MGAT5: variants seen among roughly 807,000 people sequenced by gnomAD.
The protein encoded by MGAT5 is alpha-1,6-mannosylglycoprotein 6-beta-N-acetylglucosaminyltransferase A.
In MGAT5, 30 loss-of-function variants were observed where a neutral mutation model predicts 94.3. That is an observed-to-expected ratio of 0.32 (90% confidence interval 0.24 to 0.43). MGAT5 has a LOEUF of 0.43. Among genes scored for constraint, MGAT5 ranks in the 20% least tolerant of loss-of-function variants. The pLI is 1.00. For missense variants in MGAT5, 691 were observed against 905.5 expected (o/e 0.76, Z 3.04); for synonymous variants, 310 against 322.9 (o/e 0.96, Z 0.43).
At chr2:134,435,437 G>A (rs1685118006) in intron 14 of MGAT5, among the ~76,000 whole-genome samples, 3 of 152,124 alleles carry the variant, frequency 2.0e-5, no homozygotes, top group Admixed American at 2.0e-4. Context: ...GCCTTATCAG[G>A]ACATCATCTC....
intron 14 of MGAT5, among the ~76,000 whole-genome samples, chr2:134,440,388 C>G (rs1685417395): frequency 6.6e-6 from 1 of 152,208 alleles, no homozygotes; most frequent in Non-Finnish European, 1.5e-5. Flanking sequence ...CTCCCTGTGT[C>G]TTCATGGGTT....
intron 10 of MGAT5, among the ~76,000 whole-genome samples, chr2:134,367,311 A>G (rs1165974635): frequency 1.3e-5 from 2 of 152,236 alleles, no homozygotes; most frequent in Admixed American, 6.5e-5. Flanking sequence ...GTTCTATCCT[A>G]TGAGGAAATG....
chr2:134,353,335 A>G (rs1434287915), intron 9 of MGAT5, among the ~76,000 whole-genome samples: 2 of 152,206 alleles, frequency 1.3e-5, no homozygotes, highest in South Asian at 2.1e-4. Flanking sequence ...TTAAAAGACA[A>G]TCTTTTGACT....
intron 1 of MGAT5, among the ~76,000 whole-genome samples, chr2:134,264,641 C>T (rs1163403836): frequency 3.5e-5 from 4 of 113,392 alleles, no homozygotes; most frequent in Non-Finnish European, 6.5e-5. Flanking sequence ...TACTGTAACT[C>T]TATTATCTTT....
At chr2:134,381,422 A>G (rs1467079744) in intron 10 of MGAT5, among the ~76,000 whole-genome samples, 3 of 148,844 alleles carry the variant, frequency 2.0e-5, no homozygotes, top group Non-Finnish European at 3.0e-5. Context: ...AGATAGATAG[A>G]TAGATAGATA....
chr2:134,130,013 C>T (rs190133312), intron 1 of MGAT5, among the ~76,000 whole-genome samples: 1,983 of 152,248 alleles, frequency 0.013, 50 homozygotes, highest in African/African-American at 0.043. Flanking sequence ...GCGTGGGCTC[C>T]GCGGGCCCCG....
chr2:134,242,124 G>A (rs1682006335), intron 1 of MGAT5, among the ~76,000 whole-genome samples: 1 of 152,138 alleles, frequency 6.6e-6, no homozygotes, highest in Admixed American at 6.5e-5. Flanking sequence ...AGAGCACTTT[G>A]GATTATAAAA....
At chr2:134,350,992 C>T (rs1679347757) in intron 9 of MGAT5, among the ~76,000 whole-genome samples, 2 of 152,128 alleles carry the variant, frequency 1.3e-5, no homozygotes, top group East Asian at 3.9e-4. Context: ...AAGGTGACCC[C>T]TGTCTCACAC....
chr2:134,434,077 A>G (rs887663053), intron 14 of MGAT5, among the ~76,000 whole-genome samples: 1 of 150,368 alleles, frequency 6.7e-6, no homozygotes, highest in Non-Finnish European at 1.5e-5. Context: ...TTCTGTTACC[A>G]CTCCTCCGCT....
chr2:134,387,353 T>TTTTTTTA lies in MGAT5; in HGVS notation c.1381-15635_1381-15634insTTTTTTA, dbSNP rs397985933. On this transcript the variant is annotated intron_variant, in intron 10 of 15. Coordinates refer to ENST00000281923, the MANE Select transcript of MGAT5 (RefSeq NM_002410.5). Reference sequence around the variant, plus strand: ...ATATATTTTTTTTTTTTTTTTTTTTTACCAAACCAGCACAGAAACTAGATT... The same window carrying TTTTTTTA: ...ATATATTTTTTTTTTTTTTTTTTTTTTTTTTTAACCAAACCAGCACAGAAACTAGATT... Among the ~76,000 whole-genome samples the TTTTTTTA allele has an allele frequency of 2.2e-5, 3 of 133,584 alleles. 1 individual carries two copies. Among genetic ancestry groups the TTTTTTTA allele is most frequent in the African/African-American group, 5.7e-5 (2 of 34,990 alleles). The allele number at this position is 133,584 out of a possible 152,430, so 87.6% of individuals were successfully genotyped here.
chr2:134,232,986 TAAGTTAAA>T (rs1681448182), intron 1 of MGAT5, among the ~76,000 whole-genome samples: 2 of 152,192 alleles, frequency 1.3e-5, no homozygotes, highest in African/African-American at 2.4e-5. Context: ...ATAACTTTCT[TAAGTTAAA>T]AAGTTAAAAC....
At chr2:134,187,401 G>T (rs1208197070) in intron 1 of MGAT5, among the ~76,000 whole-genome samples, 1 of 152,132 alleles carries the variant, frequency 6.6e-6, no homozygotes, top group Non-Finnish European at 1.5e-5. Flanking sequence ...ATGATAAGGG[G>T]TTGGATGTAT....
At chr2:134,408,212 G>C (rs1683453591) in intron 11 of MGAT5, among the ~76,000 whole-genome samples, 1 of 152,322 alleles carries the variant, frequency 6.6e-6, no homozygotes, top group African/African-American at 2.4e-5. Context: ...GGTCCTCCCA[G>C]GAGATGATGC....
At chr2:134,334,100 A>G (rs762860691) in intron 4 of MGAT5, among the ~76,000 whole-genome samples, 5 of 152,054 alleles carry the variant, frequency 3.3e-5, no homozygotes, top group Non-Finnish European at 7.4e-5. Flanking sequence ...AATTGGATTG[A>G]CTCTATATTT....
At chr2:134,203,342 A>T (rs754268538) in intron 1 of MGAT5, among the ~76,000 whole-genome samples, 1 of 152,144 alleles carries the variant, frequency 6.6e-6, no homozygotes, top group African/African-American at 2.4e-5. Flanking sequence ...TGCATTTTTA[A>T]TGAGCACCCC....
At chr2:134,199,506 T>TC (rs1441896372) in intron 1 of MGAT5, among the ~76,000 whole-genome samples, 2 of 152,032 alleles carry the variant, frequency 1.3e-5, no homozygotes, top group African/African-American at 4.8e-5. Context: ...CTCCTTTTTT[T>TC]TTTTTCTTCT....
chr2:134,159,503 A>C (rs1687634765), intron 1 of MGAT5, among the ~76,000 whole-genome samples: 1 of 152,134 alleles, frequency 6.6e-6, no homozygotes. Context: ...GAGTTTTTAC[A>C]GGGTATTTGT....
intron 11 of MGAT5, among the ~76,000 whole-genome samples, chr2:134,404,092 T>A (rs541883086): frequency 9.2e-5 from 14 of 152,348 alleles, no homozygotes; most frequent in Middle Eastern, 3.4e-3. Flanking sequence ...TTAATAAGTT[T>A]TTATGAATTT....
At chr2:134,201,890 T>C (rs2105285386) in intron 1 of MGAT5, among the ~76,000 whole-genome samples, 1 of 147,480 alleles carries the variant, frequency 6.8e-6, no homozygotes, top group Non-Finnish European at 1.5e-5. Flanking sequence ...ATTAGCACTC[T>C]GGCTTGAAAG....
Sources: allele counts gnomAD v4.1 joint callset (sites outside exome capture counted in the v4.1 genomes callset), GRCh38; gene constraint gnomAD v4.1.1; transcripts MANE v1.5; gene names NCBI Gene and HGNC (gene_info 2026-07-23, HGNC 2026-07-21).